ZNF626: variants seen among roughly 807,000 people sequenced by gnomAD.
The protein encoded by ZNF626 is CTC-513N18.7.
Under a neutral mutation model 11.7 loss-of-function variants are expected in ZNF626, and 4 were observed. That is an observed-to-expected ratio of 0.34 (90% CI 0.17 to 0.78). The LOEUF (loss-of-function observed/expected upper bound fraction) is 0.78, where lower values mean the gene tolerates loss of function less well. Among genes scored for constraint, ZNF626 ranks in the 30% least tolerant of loss-of-function variants. ZNF626 has a pLI of 0.57. For synonymous variants in ZNF626, 179 were observed against 198.6 expected (o/e 0.90, Z 0.83); for missense variants, 588 against 587.1 (o/e 1.00, Z -0.01).
chr19:20,642,184 T>C (rs11880581), intron 3 of ZNF626, among the ~76,000 whole-genome samples: 21,849 of 152,168 alleles, frequency 0.14, 1,693 homozygotes, highest in Middle Eastern at 0.19. Context: ...CTGATTGTGA[T>C]AGACACGTGC....
intron 1 of ZNF626, among the ~76,000 whole-genome samples, chr19:20,657,971 G>T (rs1970222879): frequency 6.6e-6 from 1 of 152,042 alleles, no homozygotes; most frequent in African/African-American, 2.4e-5. Flanking sequence ...AGCAGTAAGA[G>T]GATCAGAAAA....
At chr19:20,660,665 A>T (rs1003690281) in intron 1 of ZNF626, among the ~76,000 whole-genome samples, 2 of 151,962 alleles carry the variant, frequency 1.3e-5, no homozygotes, top group Non-Finnish European at 2.9e-5. Flanking sequence ...CACGTGATCC[A>T]CCTGCCTCGG....
intron 3 of ZNF626, among the ~76,000 whole-genome samples, chr19:20,628,502 G>GT (rs1230062106): frequency 6.6e-6 from 1 of 152,106 alleles, no homozygotes; most frequent in African/African-American, 2.4e-5. Flanking sequence ...TCTCATTGTG[G>GT]TTTTGATTTG....
intron 1 of ZNF626, among the ~76,000 whole-genome samples, chr19:20,647,090 C>A (rs1226839683): frequency 2.0e-5 from 3 of 152,084 alleles, no homozygotes; most frequent in Non-Finnish European, 2.9e-5. Flanking sequence ...AGGTGATCTG[C>A]CCACTTTGGC....
chr19:20,657,901 TAAG>T (rs782136769), intron 1 of ZNF626, among the ~76,000 whole-genome samples: 1 of 151,058 alleles, frequency 6.6e-6, no homozygotes, highest in East Asian at 1.9e-4. Flanking sequence ...AGCTAAGTAA[TAAG>T]AACACATGAA....
chr19:20,632,326 T>C (rs1402966807), intron 3 of ZNF626, among the ~76,000 whole-genome samples: 5 of 152,184 alleles, frequency 3.3e-5, no homozygotes, highest in African/African-American at 1.2e-4. Flanking sequence ...CTGATTTGAA[T>C]GTTGGTCTGC....
At chr19:20,650,579 C>T (rs1459372254) in intron 1 of ZNF626, among the ~76,000 whole-genome samples, 1 of 152,144 alleles carries the variant, frequency 6.6e-6, no homozygotes, top group Non-Finnish European at 1.5e-5. Context: ...ACCTCTTCTA[C>T]CTGTGAGACA....
At chr19:20,628,773 C>G (rs1245373710) in intron 3 of ZNF626, among the ~76,000 whole-genome samples, 5 of 152,012 alleles carry the variant, frequency 3.3e-5, no homozygotes, top group African/African-American at 9.7e-5. Context: ...CTGTGCAGAA[C>G]CTCTTTAGTT....
rs782167900 is a variant in ZNF626 at position 20,622,812 on chromosome 19, CAATT to C, written c.*1474_*1477del. 2.0e-5 allele frequency: 3 copies of C among 152,076 alleles called. No homozygotes were observed. Among genetic ancestry groups the C allele is most frequent in the South Asian group, 4.2e-4 (2 of 4,812 alleles). 9.4% of individuals were successfully genotyped at this position (152,076 alleles called of 1,614,324 possible). A position where few individuals can be genotyped will look rare whatever the true frequency, so the allele number is the denominator to read the frequency against. ...TTCTGTAAATTCTGATATTTACATA[CAATT>C]AATTTTGAATTAAATATTTTTTCAT... On this transcript the variant is annotated 3_prime_UTR_variant, in exon 4 of 4. Coordinates refer to ENST00000601440, the MANE Select transcript of ZNF626 (RefSeq NM_001076675.3).
chr19:20,651,360 G>T (rs1177375614), intron 1 of ZNF626, among the ~76,000 whole-genome samples: 1 of 151,064 alleles, frequency 6.6e-6, no homozygotes, highest in Non-Finnish European at 1.5e-5. Context: ...TTATCTAGTT[G>T]CTAGTCTAGA....
intron 1 of ZNF626, among the ~76,000 whole-genome samples, chr19:20,647,166 G>GCT (rs1195463908): frequency 5.9e-5 from 9 of 152,052 alleles, no homozygotes; most frequent in African/African-American, 2.2e-4. Flanking sequence ...TTTCTAATAA[G>GCT]CTCAACAGTA....
At position 20,627,007 on chromosome 19, in the gene ZNF626, A is replaced by C. The variant is rs544524331; in HGVS notation, c.227-1357T>G. Among the ~76,000 whole-genome samples, 143 of 151,414 alleles carry C rather than the reference A, an allele frequency of 9.4e-4. 1 individual carries two copies. The highest frequency in any genetic ancestry group is 3.4e-3 in the African/African-American group (139 of 41,178). ...TCCAGAGCCTGGGTGACAGAAAAAG[A>C]CTCCATCTCAGAAAAACTAACTAAA... On this transcript the variant is annotated intron_variant, in intron 3 of 3. Transcript: ENST00000601440.
intron 3 of ZNF626, among the ~76,000 whole-genome samples, chr19:20,629,281 A>G (rs1284016583): frequency 1.3e-5 from 2 of 152,054 alleles, no homozygotes; most frequent in African/African-American, 4.8e-5. Flanking sequence ...TTTTGGTTTC[A>G]TATGAACTTT....
chr19:20,629,787 T>C (rs12609895), intron 3 of ZNF626, among the ~76,000 whole-genome samples: 2 of 152,170 alleles, frequency 1.3e-5, no homozygotes, highest in African/African-American at 2.4e-5. Context: ...TCCTGCCTGA[T>C]TGCCCTGGCC....
At chr19:20,629,802 C>T (rs1384522637) in intron 3 of ZNF626, among the ~76,000 whole-genome samples, 8 of 152,172 alleles carry the variant, frequency 5.3e-5, no homozygotes, top group Non-Finnish European at 8.8e-5. Context: ...CTGGCCAGAA[C>T]TTCCAACACT....
At chr19:20,653,595 C>T (rs1205266424) in intron 1 of ZNF626, among the ~76,000 whole-genome samples, 1 of 148,934 alleles carries the variant, frequency 6.7e-6, no homozygotes, top group Non-Finnish European at 1.5e-5. Flanking sequence ...CACCACTGCA[C>T]TCCAGCCTGG....
rs138667001 is a variant in ZNF626, at chr19:20,622,074, C to T, written c.*2216G>A. On this transcript the variant is annotated 3_prime_UTR_variant, in exon 4 of 4. Transcript: ENST00000601440. ...TGGTGTCACGCACCTGTAGTCCCCA[C>T]TACTCGGGAGGCTGAGGCAGGAGAA... 6.6e-6 allele frequency: 1 copy of T among 152,292 alleles called. No individual in the cohort carries two copies. The highest frequency in any genetic ancestry group is 2.1e-4 in the South Asian group (1 of 4,820). The allele number at this position is 152,292 out of a possible 1,614,324, so 9.4% of individuals were successfully genotyped here. A position where few individuals can be genotyped will look rare whatever the true frequency, so the allele number is the denominator to read the frequency against.
At chr19:20,633,883 C>G (rs979937114) in intron 3 of ZNF626, among the ~76,000 whole-genome samples, 1 of 152,196 alleles carries the variant, frequency 6.6e-6, no homozygotes, top group Non-Finnish European at 1.5e-5. Context: ...CTATATCGCT[C>G]ACGTTGGGAG....
chr19:20,646,795 G>A (rs116842628), intron 1 of ZNF626, among the ~76,000 whole-genome samples: 2,169 of 151,974 alleles, frequency 0.014, 64 homozygotes, highest in South Asian at 0.11. Flanking sequence ...TGAAGACATC[G>A]TTATGCAGGT....
Sources: allele counts gnomAD v4.1 joint callset (sites outside exome capture counted in the v4.1 genomes callset), GRCh38; gene constraint gnomAD v4.1.1; transcripts MANE v1.5; gene names NCBI Gene and HGNC (gene_info 2026-07-23, HGNC 2026-07-21).